The following CFAP126 variants were observed in gnomAD, a reference collection of about 807,000 sequenced individuals.
CFAP126 encodes the protein protein Flattop.
A neutral mutation model predicts 17.1 loss-of-function variants in CFAP126; 21 were observed. The observed-to-expected ratio is 1.23, with a 90% confidence interval of 0.87 to 1.77. The LOEUF (loss-of-function observed/expected upper bound fraction) is 1.77. Among genes scored for constraint, CFAP126 ranks in the 40% most tolerant of loss-of-function variants. The pLI is 0.00. For synonymous variants in CFAP126, 65 were observed against 73.5 expected (o/e 0.88, Z 0.59); for missense variants, 174 against 215.4 (o/e 0.81, Z 1.20).
chr1:161,365,175 A>G, intron 4 of CFAP126, 25 bp from the exon 5 acceptor site: 2 of 1,609,242 alleles, frequency 1.2e-6, no homozygotes, highest in Non-Finnish European at 1.7e-6. Flanking sequence ...AGTGGGAGAG[A>G]TAGTCATGTC....
chr1:161,365,242 C>A (rs1441021282), intron 4 of CFAP126, 92 bp from the exon 5 acceptor site: 2 of 1,293,084 alleles, frequency 1.5e-6, no homozygotes, highest in East Asian at 4.7e-5. Context: ...CCCTTTCTCC[C>A]CATACCATGG....
In CFAP126 at chr1:161,364,746, A is replaced by C. The variant is rs1437920821; in HGVS notation, c.*219T>G. 1 of 515,846 alleles carries C rather than the reference A, an allele frequency of 1.9e-6. No individual in the cohort carries two copies. Among genetic ancestry groups the C allele is most frequent in the South Asian group, 3.2e-5 (1 of 31,664 alleles). 32.0% of individuals were successfully genotyped at this position (515,846 alleles called of 1,614,324 possible). A position where few individuals can be genotyped will look rare whatever the true frequency, so the allele number is the denominator to read the frequency against. The stretch of plus-strand genomic sequence containing the variant: ...TCCAGATCAGTAAAAGATTCAACAA[A>C]AAAAAGTTTATTTTCCAAATTTGCT... On this transcript the variant is annotated 3_prime_UTR_variant, in exon 5 of 5. Transcript: ENST00000367974.
intron 1 of CFAP126, 79 bp from the exon 2 acceptor site, chr1:161,366,580 A>C (rs1268803415): frequency 7.5e-7 from 1 of 1,334,814 alleles, no homozygotes; most frequent in East Asian, 2.3e-5. Context: ...ACAATTCTTT[A>C]GATTTGAAGA....
intron 1 of CFAP126, 189 bp from the exon 2 acceptor site, chr1:161,366,690 A>T: frequency 1.6e-6 from 1 of 609,060 alleles, no homozygotes; most frequent in Middle Eastern, 3.8e-4. Flanking sequence ...CGGGAGCCAC[A>T]TGGAGCTGTT....
chr1:161,365,217 C>T lies in CFAP126; in HGVS notation c.349-67G>A, dbSNP rs1672687064. The T allele has an allele frequency of 2.7e-6, 4 of 1,470,250 alleles. No individual in the cohort carries two copies. The Admixed American group carries it at 7.2e-5, about 26-fold the overall frequency. The allele number at this position is 1,470,250 out of a possible 1,614,324, so 91.1% of individuals were successfully genotyped here. On this transcript the variant is annotated intron_variant, in intron 4 of 4. Coordinates refer to ENST00000367974, the MANE Select transcript of CFAP126 (RefSeq NM_001013625.4). ...CAGGCCCGGATCATTCCTAATGCAC[C>T]TCAGGATTCTAACTCCCTTTCTCCC...
intron 1 of CFAP126, chr1:161,367,540 A>C (rs545055176): frequency 1.5e-4 from 51 of 347,582 alleles, no homozygotes; most frequent in Non-Finnish European, 2.3e-4. Flanking sequence ...TTTTTCTTTA[A>C]TTATGCAAGT....
At chr1:161,365,863 C>T (rs375748440) in intron 3 of CFAP126, 161 bp from the exon 4 acceptor site, 8 of 730,886 alleles carry the variant, frequency 1.1e-5, no homozygotes, top group Admixed American at 9.0e-5. Context: ...CTCATTTAGG[C>T]TTTGCAGGCC....
chr1:161,364,964 C>T lies in CFAP126; in HGVS notation c.*1G>A. ...GCATACGTGGACTTCCAGGTGGGCT[C>T]TTAGGATTTGGCTGGTCTTTGGGGA... is the stretch of plus-strand genomic sequence containing the variant. On this transcript the variant is annotated 3_prime_UTR_variant, in exon 5 of 5. Transcript: ENST00000367974. 1.2e-6 allele frequency: 2 copies of T among 1,613,720 alleles called. No homozygotes were observed. The highest frequency in any genetic ancestry group is 2.2e-5 in the East Asian group (1 of 44,882).
intron 1 of CFAP126, chr1:161,366,736 C>T (rs1672743382): frequency 7.6e-6 from 4 of 524,486 alleles, no homozygotes; most frequent in South Asian, 2.9e-5. Flanking sequence ...AATTGAGGTG[C>T]TTTGTAAATA....
rs1672706848 is a variant in CFAP126, at chr1:161,365,713, A to G, written c.172-11T>C. On this transcript the variant is annotated splice_polypyrimidine_tract_variant and intron_variant, in intron 3 of 4. Coordinates refer to ENST00000367974, the MANE Select transcript of CFAP126 (RefSeq NM_001013625.4). ...ACCCCAAGGATTTGCCTAAAAATGA[A>G]AAGGGATTCCTCAGTAGGGCTTCTC... is the stretch of plus-strand genomic sequence containing the variant. 6.4e-7 allele frequency: 1 copy of G among 1,569,458 alleles called. No individual in the cohort carries two copies. Among genetic ancestry groups the G allele is most frequent in the East Asian group, 2.2e-5 (1 of 44,542 alleles).
intron 1 of CFAP126, 76 bp downstream of exon 1, chr1:161,367,766 T>A (rs1672785561): frequency 7.6e-7 from 1 of 1,322,818 alleles, no homozygotes; most frequent in African/African-American, 1.5e-5. Context: ...ATCAGAATCC[T>A]ATGAGAGGGG....
chr1:161,364,844 A>C lies in CFAP126; in HGVS notation c.*121T>G, dbSNP rs1386550052. ...CTCTTGTTTATTTCACTGAGTCGCT[A>C]TACGGGTTTTTCAGTGTGTGGCCAC... On this transcript the variant is annotated 3_prime_UTR_variant, in exon 5 of 5. Transcript: ENST00000367974. 5 of 945,808 alleles carry C rather than the reference A, an allele frequency of 5.3e-6. No homozygotes were observed. The highest frequency in any genetic ancestry group is 8.0e-6 in the Non-Finnish European group (5 of 625,718). 58.6% of individuals were successfully genotyped at this position (945,808 alleles called of 1,614,324 possible).
rs201918024 is a variant in CFAP126 at position 161,365,509 on chromosome 1, A to G, written c.348+17T>C. ...TTGAGACTACAGGGTTTTGGGTTAG[A>G]TGGGAAGAATAGATACCTTGCCTAA... On this transcript the variant is annotated intron_variant, in intron 4 of 4. Transcript: ENST00000367974. 35 of 1,613,246 alleles carry G rather than the reference A, an allele frequency of 2.2e-5. No homozygotes were observed. Among genetic ancestry groups the G allele is most frequent in the South Asian group, 3.3e-5 (3 of 91,052 alleles).
intron 1 of CFAP126, 37 bp from the exon 2 acceptor site, chr1:161,366,538 A>G: frequency 6.3e-7 from 1 of 1,581,782 alleles, no homozygotes; most frequent in Non-Finnish European, 8.7e-7. Context: ...ATGAGACTTC[A>G]AGGCCCCAAA....
chr1:161,365,247 C>G, intron 4 of CFAP126, 97 bp from the exon 5 acceptor site: 5 of 1,227,918 alleles, frequency 4.1e-6, no homozygotes, highest in Non-Finnish European at 5.8e-6. Context: ...TCTCCCCATA[C>G]CATGGGCAGT....
chr1:161,365,504 G>A (rs1672697894), intron 4 of CFAP126, 22 bp downstream of exon 4: 3 of 1,612,584 alleles, frequency 1.9e-6, no homozygotes, highest in Non-Finnish European at 1.7e-6. Flanking sequence ...AGGGTTTTGG[G>A]TTAGATGGGA....
chr1:161,365,344 G>A (rs945188910), intron 4 of CFAP126, 182 bp downstream of exon 4: 3 of 892,214 alleles, frequency 3.4e-6, no homozygotes, highest in Non-Finnish European at 3.5e-6. Flanking sequence ...CTACTGTTGG[G>A]GGTATGATGT....
At chr1:161,366,000 T>C (rs977831179) in intron 3 of CFAP126, 198 bp downstream of exon 3, 12 of 621,500 alleles carry the variant, frequency 1.9e-5, no homozygotes, top group Non-Finnish European at 8.5e-6. Flanking sequence ...CATTGATCAA[T>C]TTAAGAACTT....
intron 1 of CFAP126, 146 bp from the exon 2 acceptor site, chr1:161,366,647 T>C (rs1374617663): frequency 4.6e-5 from 35 of 757,032 alleles, no homozygotes; most frequent in Non-Finnish European, 8.0e-5. Flanking sequence ...GTGTAATTTG[T>C]TTGGTCTAGA....
Sources: allele counts gnomAD v4.1 joint callset, GRCh38; gene constraint gnomAD v4.1.1; transcripts MANE v1.5; gene names NCBI Gene and HGNC (gene_info 2026-07-23, HGNC 2026-07-21).